The following PRKAG2 variants were observed in gnomAD, a reference collection of about 807,000 sequenced individuals.
PRKAG2 encodes the protein protein kinase AMP-activated non-catalytic subunit gamma 2.
PRKAG2 carries 26 observed loss-of-function variants against 69.6 expected under a neutral mutation model. The observed-to-expected ratio is 0.37, with a 90% CI of 0.27 to 0.52. PRKAG2 has a LOEUF of 0.52. Ranked by LOEUF, PRKAG2 falls within the 20% of genes least tolerant of loss-of-function variation. The pLI is 0.90. For missense variants in PRKAG2, 557 were observed against 740.0 expected (o/e 0.75, Z 2.87); for synonymous variants, 293 against 285.0 (o/e 1.03, Z -0.28).
In PRKAG2 at chr7:151,573,333, G is replaced by GTT. The variant is rs57854174; in HGVS notation, c.1006-626_1006-625dup. Among the ~76,000 whole-genome samples, 57 of 82,882 alleles carry GTT rather than the reference G, an allele frequency of 6.9e-4. 3 individuals are homozygous for GTT. Among genetic ancestry groups the GTT allele is most frequent in the Non-Finnish European group, 8.4e-4 (40 of 47,408 alleles). 54.4% of individuals were successfully genotyped at this position (82,882 alleles called of 152,430 possible). A position where few individuals can be genotyped will look rare whatever the true frequency, so the allele number is the denominator to read the frequency against. On this transcript the variant is annotated intron_variant, in intron 8 of 15. Coordinates refer to ENST00000287878, the MANE Select transcript of PRKAG2 (RefSeq NM_016203.4). ...CACCATGCCTGGCTAATTTTTGTGG[G>GTT]TTTTTTTTTTTTTTTTTTTTTTTTT... is the stretch of plus-strand genomic sequence containing the variant.
chr7:151,637,055 G>A (rs1825863322), intron 4 of PRKAG2, among the ~76,000 whole-genome samples: 1 of 152,112 alleles, frequency 6.6e-6, no homozygotes, highest in Admixed American at 6.6e-5. Context: ...CAAGGTGGCT[G>A]CACCATTTTA....
At chr7:151,570,127 T>A (rs1469089748) in intron 10 of PRKAG2, 44 bp downstream of exon 10, 6 of 1,574,046 alleles carry the variant, frequency 3.8e-6, no homozygotes, top group African/African-American at 2.7e-5. Context: ...ATAAAACACA[T>A]ACATCTGAAT....
intron 1 of PRKAG2, among the ~76,000 whole-genome samples, chr7:151,805,182 C>T (rs925337479): frequency 6.6e-6 from 1 of 152,196 alleles, no homozygotes; most frequent in Non-Finnish European, 1.5e-5. Flanking sequence ...GAAGGAACCT[C>T]GCAGTTCCTC....
chr7:151,792,515 C>G (rs1287692707), intron 1 of PRKAG2, among the ~76,000 whole-genome samples: 1 of 152,228 alleles, frequency 6.6e-6, no homozygotes, highest in Non-Finnish European at 1.5e-5. Context: ...TTAGCCCTGA[C>G]AGCAGGTGCT....
chr7:151,798,031 G>A (rs1455189654), intron 1 of PRKAG2, among the ~76,000 whole-genome samples: 2 of 152,346 alleles, frequency 1.3e-5, no homozygotes, highest in South Asian at 4.1e-4. Context: ...CTGAGACAGA[G>A]TCTTGCTCTG....
intron 3 of PRKAG2, among the ~76,000 whole-genome samples, chr7:151,690,593 A>G (rs1339596205): frequency 6.6e-6 from 1 of 152,200 alleles, no homozygotes; most frequent in Non-Finnish European, 1.5e-5. Context: ...ATTGTACCAC[A>G]TCATACATGT....
chr7:151,628,948 A>G lies in PRKAG2; in HGVS notation c.754+3121T>C, dbSNP rs185801909. ...CAGATGAGACTTGAGCTGAGCCTTG[A>G]AGTCTTACTAAGATCGGTGTGGCAT... On this transcript the variant is annotated intron_variant, in intron 5 of 15. Transcript: ENST00000287878. Among the ~76,000 whole-genome samples the G allele has an allele frequency of 4.8e-3, 735 of 152,226 alleles. 6 individuals carry two copies. The highest frequency in any genetic ancestry group is 0.017 in the African/African-American group (694 of 41,530).
At chr7:151,806,687 G>A in intron 1 of PRKAG2, 2 of 211,748 alleles carry the variant, frequency 9.4e-6, no homozygotes. Flanking sequence ...GCCAGAGCTG[G>A]CTGGGTACAG....
intron 3 of PRKAG2, among the ~76,000 whole-genome samples, chr7:151,729,272 A>T (rs1260743746): frequency 6.6e-6 from 1 of 152,144 alleles, no homozygotes; most frequent in East Asian, 1.9e-4. Flanking sequence ...CACTGGCTAC[A>T]GTGTCCGAAA....
At chr7:151,856,308 C>T (rs1313049923) in intron 1 of PRKAG2, among the ~76,000 whole-genome samples, 1 of 152,224 alleles carries the variant, frequency 6.6e-6, no homozygotes, top group South Asian at 2.1e-4. Flanking sequence ...TCCTGGCTCC[C>T]CGTGGCGATC....
At chr7:151,691,783 T>C (rs1835705890) in intron 3 of PRKAG2, among the ~76,000 whole-genome samples, 1 of 152,214 alleles carries the variant, frequency 6.6e-6, no homozygotes, top group Non-Finnish European at 1.5e-5. Flanking sequence ...TAAACATACA[T>C]TTACCATACA....
chr7:151,842,101 AGGGATGGTAGTGATGGTAGGTG>A (rs1554616318), intron 1 of PRKAG2, among the ~76,000 whole-genome samples: 7 of 132,796 alleles, frequency 5.3e-5, no homozygotes, highest in East Asian at 2.4e-4. Flanking sequence ...GATGGTAGGT[AGGGATGGTAGTGATGGTAGGTG>A]GGGATGGTAG....
At chr7:151,734,410 C>T (rs1364011771) in intron 3 of PRKAG2, 3 of 152,212 alleles carry the variant, frequency 2.0e-5, no homozygotes, top group Non-Finnish European at 4.4e-5. Context: ...TTTACTCATC[C>T]CCTAGGCTGT....
intron 5 of PRKAG2, among the ~76,000 whole-genome samples, chr7:151,629,796 G>C (rs1237473823): frequency 6.6e-6 from 1 of 152,212 alleles, no homozygotes; most frequent in African/African-American, 2.4e-5. Flanking sequence ...GACGTTAACA[G>C]GGTATGCTGG....
chr7:151,559,536 C>T (rs963542108), intron 15 of PRKAG2: 8 of 983,072 alleles, frequency 8.1e-6, no homozygotes, highest in Non-Finnish European at 9.7e-6. Flanking sequence ...CTGAGGACCA[C>T]CTCGGAAAAA....
At chr7:151,649,389 G>A (rs1394318409) in intron 4 of PRKAG2, among the ~76,000 whole-genome samples, 1 of 152,196 alleles carries the variant, frequency 6.6e-6, no homozygotes, top group Non-Finnish European at 1.5e-5. Flanking sequence ...GCCTCCCAAA[G>A]TGCTGGGATT....
At chr7:151,821,693 A>G (rs1528976) in intron 1 of PRKAG2, among the ~76,000 whole-genome samples, 99,280 of 152,068 alleles carry the variant, frequency 0.65, 32,496 homozygotes, top group East Asian at 0.76. Context: ...TCCTGAGCAC[A>G]CCATGAAGGA....
intron 3 of PRKAG2, among the ~76,000 whole-genome samples, chr7:151,680,837 C>T (rs954365921): frequency 1.7e-4 from 26 of 152,344 alleles, no homozygotes; most frequent in African/African-American, 6.3e-4. Context: ...GAATCAGGGC[C>T]ATGGCTGTGC....
chr7:151,670,529 C>T (rs1160816420), intron 4 of PRKAG2, among the ~76,000 whole-genome samples: 1 of 152,118 alleles, frequency 6.6e-6, no homozygotes, highest in Non-Finnish European at 1.5e-5. Context: ...ATTGCTTTTC[C>T]CTGTTGAAAA....
Sources: allele counts gnomAD v4.1 joint callset (sites outside exome capture counted in the v4.1 genomes callset), GRCh38; gene constraint gnomAD v4.1.1; transcripts MANE v1.5; gene names NCBI Gene and HGNC (gene_info 2026-07-23, HGNC 2026-07-21).